The following CABLES1 variants were observed in gnomAD, a reference collection of about 807,000 sequenced individuals.
CABLES1 encodes the protein Cdk5 and Abl enzyme substrate 1.
Under a neutral mutation model 57.8 loss-of-function variants are expected in CABLES1, and 36 were observed. The ratio of observed to expected loss-of-function variants is 0.62; its 90% CI spans 0.48 to 0.82. The LOEUF is 0.82. CABLES1 is among the 40% of genes least tolerant of loss of function. CABLES1 has a pLI of 0.00. For missense variants in CABLES1, 767 were observed against 836.6 expected (o/e 0.92, Z 1.03); for synonymous variants, 374 against 363.0 (o/e 1.03, Z -0.35).
At chr18:23,217,181 G>A (rs2047448529) in intron 4 of CABLES1, among the ~76,000 whole-genome samples, 1 of 151,860 alleles carries the variant, frequency 6.6e-6, no homozygotes, top group Non-Finnish European at 1.5e-5. Context: ...TCCTACGCTC[G>A]AGCCATCCAC....
At chr18:23,230,767 T>TC (rs1437865837) in intron 4 of CABLES1, among the ~76,000 whole-genome samples, 1 of 152,150 alleles carries the variant, frequency 6.6e-6, no homozygotes, top group Non-Finnish European at 1.5e-5. Context: ...CATTCCTCCC[T>TC]CCCCATCTCC....
intron 7 of CABLES1, among the ~76,000 whole-genome samples, chr18:23,240,662 C>T (rs1297654022): frequency 6.6e-6 from 1 of 152,224 alleles, no homozygotes; most frequent in Non-Finnish European, 1.5e-5. Flanking sequence ...AGCTGCTCAC[C>T]TCCCTTAGTA....
intron 1 of CABLES1, among the ~76,000 whole-genome samples, chr18:23,142,323 C>T (rs186862164): frequency 7.9e-5 from 12 of 152,202 alleles, no homozygotes; most frequent in African/African-American, 2.4e-4. Context: ...CGGGCAATAT[C>T]GCAGCTGGAC....
chr18:23,190,230 A>G (rs1280067041), intron 2 of CABLES1: 3 of 152,228 alleles, frequency 2.0e-5, no homozygotes, highest in Admixed American at 2.0e-4. Flanking sequence ...TCGCAGGCGC[A>G]CTGAGTGGCT....
chr18:23,231,222 GTCCT>G (rs1598842750), intron 4 of CABLES1, among the ~76,000 whole-genome samples: 1 of 152,244 alleles, frequency 6.6e-6, no homozygotes, highest in East Asian at 1.9e-4. Context: ...GGTAGCAAAA[GTCCT>G]GCCAAGGAAG....
intron 1 of CABLES1, among the ~76,000 whole-genome samples, chr18:23,143,603 A>G (rs2046871603): frequency 6.6e-6 from 1 of 152,230 alleles, no homozygotes; most frequent in African/African-American, 2.4e-5. Context: ...TTTGTGCTAC[A>G]AGGACAGAAT....
At chr18:23,247,578 G>A (rs568285842) in intron 7 of CABLES1, among the ~76,000 whole-genome samples, 6 of 152,318 alleles carry the variant, frequency 3.9e-5, no homozygotes, top group Non-Finnish European at 5.9e-5. Flanking sequence ...TGCCGCTGTC[G>A]ACATCAAGTG....
intron 3 of CABLES1, among the ~76,000 whole-genome samples, chr18:23,207,836 G>T (rs1013698006): frequency 6.6e-6 from 1 of 152,170 alleles, no homozygotes; most frequent in Non-Finnish European, 1.5e-5. Context: ...TGATCTTAGT[G>T]GTCATGGAAG....
intron 4 of CABLES1, chr18:23,214,786 T>C (rs1431314151): frequency 6.6e-6 from 1 of 152,222 alleles, no homozygotes; most frequent in Non-Finnish European, 1.5e-5. Context: ...GGCTGTGGCG[T>C]CTGGTCATTG....
At chr18:23,157,044 C>T (rs373806330) in intron 1 of CABLES1, among the ~76,000 whole-genome samples, 3 of 152,044 alleles carry the variant, frequency 2.0e-5, no homozygotes, top group African/African-American at 7.2e-5. Context: ...CTCATGTCAG[C>T]GAAATAACCA....
intron 4 of CABLES1, 113 bp downstream of exon 4, chr18:23,214,167 A>G (rs577778429): frequency 1.5e-6 from 1 of 687,008 alleles, no homozygotes; most frequent in South Asian, 1.8e-5. Context: ...TTGATACTGC[A>G]AATTCAGTAT....
chr18:23,209,748 C>T (rs1258755256), intron 3 of CABLES1, among the ~76,000 whole-genome samples: 1 of 152,144 alleles, frequency 6.6e-6, no homozygotes, highest in Non-Finnish European at 1.5e-5. Flanking sequence ...GGAAATAGAA[C>T]AAGGCTCCGG....
intron 4 of CABLES1, chr18:23,219,316 G>A: frequency 2.2e-6 from 1 of 454,156 alleles, no homozygotes; most frequent in South Asian, 1.6e-5. Context: ...CAAAAACATT[G>A]AGTCCTAAGC....
intron 1 of CABLES1, among the ~76,000 whole-genome samples, chr18:23,140,838 G>A (rs1250458564): frequency 6.6e-6 from 1 of 152,168 alleles, no homozygotes; most frequent in Non-Finnish European, 1.5e-5. Context: ...CTTAAGTCCT[G>A]TGTTCAGATG....
At chr18:23,168,557 A>G (rs575794159) in intron 1 of CABLES1, among the ~76,000 whole-genome samples, 192 of 152,354 alleles carry the variant, frequency 1.3e-3, no homozygotes, top group Non-Finnish European at 2.1e-3. Context: ...CTGTCCAACA[A>G]TGTAAATGCA....
intron 3 of CABLES1, among the ~76,000 whole-genome samples, chr18:23,199,197 T>TA (rs1405316843): frequency 6.6e-6 from 1 of 152,194 alleles, no homozygotes; most frequent in Admixed American, 6.5e-5. Context: ...ACTCGATTGT[T>TA]AAAAAGAAAA....
intron 1 of CABLES1, among the ~76,000 whole-genome samples, chr18:23,173,283 G>A (rs1165854710): frequency 6.6e-6 from 1 of 152,214 alleles, no homozygotes; most frequent in Non-Finnish European, 1.5e-5. Context: ...GCTGCCTGCT[G>A]CGCACAGACA....
intron 7 of CABLES1, among the ~76,000 whole-genome samples, chr18:23,250,892 A>G (rs2048021096): frequency 6.6e-6 from 1 of 152,238 alleles, no homozygotes; most frequent in South Asian, 2.1e-4. Flanking sequence ...TCACCAGAGA[A>G]GCAAAGAGAG....
intron 1 of CABLES1, among the ~76,000 whole-genome samples, chr18:23,164,376 G>A (rs1008042630): frequency 6.6e-6 from 1 of 152,134 alleles, no homozygotes; most frequent in Non-Finnish European, 1.5e-5. Context: ...CCCTGATGGT[G>A]TCCTCCCAGG....
Sources: gnomAD v4.1 joint callset for allele counts (sites outside exome capture counted in the v4.1 genomes callset) on GRCh38, gnomAD v4.1.1 for gene constraint, MANE v1.5 for transcripts, NCBI Gene and HGNC (gene_info 2026-07-23, HGNC 2026-07-21) for gene names.